Variants in LRRC4C observed in about 807,000 individuals in gnomAD.
LRRC4C encodes the protein leucine-rich repeat-containing protein 4C.
Under a neutral mutation model 33.6 loss-of-function variants are expected in LRRC4C, and 5 were observed. The observed-to-expected ratio is 0.15, with a 90% CI of 0.08 to 0.31. The LOEUF (loss-of-function observed/expected upper bound fraction) is 0.31, where lower values mean the gene tolerates loss of function less well. Among genes scored for constraint, LRRC4C ranks in the 10% least tolerant of loss-of-function variants. The pLI, the probability that LRRC4C is intolerant of heterozygous loss-of-function variation, is 1.00. For synonymous variants in LRRC4C, 329 were observed against 302.0 expected, an observed-to-expected ratio of 1.09 and a Z score of -0.93; for missense variants, 560 against 796.7, an observed-to-expected ratio of 0.70 and a Z score of 3.58.
intron 2 of LRRC4C, among the ~76,000 whole-genome samples, chr11:40,926,832 T>C (rs77724806): frequency 0.044 from 6,724 of 152,154 alleles, 318 homozygotes; most frequent in East Asian, 0.23. Context: ...ATATTTTCAA[T>C]AAAATGTTGA....
chr11:40,987,686 A>C (rs1460923043), intron 1 of LRRC4C, among the ~76,000 whole-genome samples: 2 of 120,202 alleles, frequency 1.7e-5, no homozygotes, highest in African/African-American at 6.6e-5. Context: ...ATATATATAT[A>C]TATATCTCAT....
chr11:40,177,144 G>A (rs1590624823), intron 5 of LRRC4C, among the ~76,000 whole-genome samples: 1 of 151,852 alleles, frequency 6.6e-6, no homozygotes. Flanking sequence ...TAGAGGAGAC[G>A]GGGTTTCATT....
At position 40,898,366 on chromosome 11, in the gene LRRC4C, A is replaced by G. The variant is rs10837522; in HGVS notation, c.-407+35269T>C. ...GAAACTCCATCTCAAAAAAAAAAAA[A>G]AAAAAAGAAAAAAGAAATGTAAGCT... is the stretch of plus-strand genomic sequence containing the variant. On this transcript the variant is annotated intron_variant, in intron 2 of 6. Transcript: ENST00000528697. 1.0e-3 allele frequency among the ~76,000 whole-genome samples: 121 copies of G among 117,460 alleles called. 2 individuals carry two copies. Among genetic ancestry groups the G allele is most frequent in the Admixed American group, 3.6e-3 (33 of 9,162 alleles). The allele number at this position is 117,460 out of a possible 152,430, so 77.1% of individuals were successfully genotyped here. A position where few individuals can be genotyped will look rare whatever the true frequency, so the allele number is the denominator to read the frequency against.
intron 3 of LRRC4C, among the ~76,000 whole-genome samples, chr11:40,485,910 G>T (rs12270506): frequency 0.038 from 5,820 of 151,896 alleles, 331 homozygotes; most frequent in African/African-American, 0.12. Flanking sequence ...ACCAAATACT[G>T]CATGTTCTCA....
intron 5 of LRRC4C, among the ~76,000 whole-genome samples, chr11:40,216,682 C>G (rs745313827): frequency 6.6e-6 from 1 of 152,074 alleles, no homozygotes; most frequent in Non-Finnish European, 1.5e-5. Flanking sequence ...AGCATAAAAG[C>G]GTTCTGTGAA....
chr11:40,214,430 C>G (rs1303090918), intron 5 of LRRC4C, among the ~76,000 whole-genome samples: 1 of 152,060 alleles, frequency 6.6e-6, no homozygotes, highest in East Asian at 1.9e-4. Flanking sequence ...TTTCTTTGGC[C>G]TCTCAACTTC....
intron 1 of LRRC4C, among the ~76,000 whole-genome samples, chr11:41,030,684 G>A (rs1357169530): frequency 6.6e-6 from 1 of 151,742 alleles, no homozygotes; most frequent in African/African-American, 2.4e-5. Context: ...CATCGTGTTT[G>A]ATTTCAAGAT....
intron 1 of LRRC4C, among the ~76,000 whole-genome samples, chr11:40,999,002 C>T (rs1483969209): frequency 6.6e-6 from 1 of 152,020 alleles, no homozygotes; most frequent in African/African-American, 2.4e-5. Context: ...ACTCCAATTC[C>T]CCTCTCAGCT....
chr11:40,716,569 T>G (rs569497133), intron 2 of LRRC4C, among the ~76,000 whole-genome samples: 1 of 152,094 alleles, frequency 6.6e-6, no homozygotes, highest in Non-Finnish European at 1.5e-5. Flanking sequence ...TCAAGAACAG[T>G]ACTTACGACA....
At chr11:40,955,130 A>T (rs901485377) in intron 1 of LRRC4C, among the ~76,000 whole-genome samples, 1 of 151,836 alleles carries the variant, frequency 6.6e-6, no homozygotes, top group Non-Finnish European at 1.5e-5. Context: ...TTGCCATGAC[A>T]TATCAATATA....
intron 2 of LRRC4C, among the ~76,000 whole-genome samples, chr11:40,779,156 A>G (rs1246915800): frequency 1.3e-5 from 2 of 152,108 alleles, no homozygotes; most frequent in Admixed American, 6.6e-5. Context: ...GGCCTCTGTT[A>G]TAGATATTGT....
intron 1 of LRRC4C, among the ~76,000 whole-genome samples, chr11:41,153,925 A>G (rs760258284): frequency 1.1e-3 from 174 of 152,250 alleles, no homozygotes; most frequent in Non-Finnish European, 1.3e-3. Flanking sequence ...GACCTACAGA[A>G]GAGAAGATGG....
At chr11:40,137,321 G>GATT (rs1200501153) in intron 6 of LRRC4C, among the ~76,000 whole-genome samples, 3 of 152,098 alleles carry the variant, frequency 2.0e-5, no homozygotes, top group African/African-American at 7.2e-5. Context: ...CAACATCTCT[G>GATT]ATTGATACCT....
chr11:41,139,708 ATT>A (rs61335742), intron 1 of LRRC4C, among the ~76,000 whole-genome samples: 107,968 of 152,024 alleles, frequency 0.71, 39,040 homozygotes, highest in Middle Eastern at 0.8. Flanking sequence ...ATACTTTTCA[ATT>A]TTTTTTTAAA....
At position 40,304,398 on chromosome 11, in the gene LRRC4C, G is replaced by A. The variant is rs989624560; in HGVS notation, c.-176+15230C>T. On this transcript the variant is annotated intron_variant, in intron 4 of 6. Coordinates refer to ENST00000528697, the MANE Select transcript of LRRC4C (RefSeq NM_001258419.2). ...AACACAGCTTCTGGTAACATAATAC[G>A]TAGATTAATGGCACCCACTGATTGA... Among the ~76,000 whole-genome samples the A allele has an allele frequency of 3.9e-5, 6 of 152,166 alleles. No homozygotes were observed. In the East Asian group the frequency reaches 9.6e-4, roughly 24 times the overall value.
At chr11:40,786,611 C>T (rs1427800272) in intron 2 of LRRC4C, among the ~76,000 whole-genome samples, 1 of 152,082 alleles carries the variant, frequency 6.6e-6, no homozygotes, top group African/African-American at 2.4e-5. Flanking sequence ...AGGATTCTTT[C>T]CTGAATAAAA....
chr11:41,334,771 A>G (rs1277026439), intron 1 of LRRC4C, among the ~76,000 whole-genome samples: 3 of 152,220 alleles, frequency 2.0e-5, no homozygotes, highest in South Asian at 2.1e-4. Flanking sequence ...GGGTTGCTTG[A>G]GCCCAGGAGT....
At chr11:41,184,058 C>T (rs1169298449) in intron 1 of LRRC4C, among the ~76,000 whole-genome samples, 1 of 152,186 alleles carries the variant, frequency 6.6e-6, no homozygotes, top group Non-Finnish European at 1.5e-5. Context: ...AGGCTGCACA[C>T]AGCACAGGGA....
intron 3 of LRRC4C, among the ~76,000 whole-genome samples, chr11:40,499,979 A>G (rs1954663490): frequency 6.6e-6 from 1 of 152,080 alleles, no homozygotes; most frequent in African/African-American, 2.4e-5. Context: ...GTGGGCCCTT[A>G]CCCATCCTCT....
Sources: allele counts gnomAD v4.1 joint callset (sites outside exome capture counted in the v4.1 genomes callset), GRCh38; gene constraint gnomAD v4.1.1; transcripts MANE v1.5; gene names NCBI Gene and HGNC (gene_info 2026-07-23, HGNC 2026-07-21).